The following LRRC2 variants were observed in gnomAD, a reference collection of about 807,000 sequenced individuals.
The protein encoded by LRRC2 is leucine-rich repeat-containing protein 2.
Under a neutral mutation model 40.2 loss-of-function variants are expected in LRRC2, and 27 were observed. The ratio of observed to expected loss-of-function variants is 0.67; its 90% CI spans 0.49 to 0.93. The LOEUF is 0.93. LRRC2 is among the 40% of genes least tolerant of loss of function. The probability of loss-of-function intolerance (pLI) is 0.00; values close to 1 mark genes in which losing one functional copy is unlikely to be tolerated. For missense variants in LRRC2, 402 were observed against 439.6 expected, an observed-to-expected ratio of 0.91 and a Z score of 0.76; for synonymous variants, 147 against 158.9, an observed-to-expected ratio of 0.92 and a Z score of 0.56.
At chr3:46,563,155 G>A (rs939640909) in intron 1 of LRRC2, among the ~76,000 whole-genome samples, 3 of 151,982 alleles carry the variant, frequency 2.0e-5, no homozygotes, top group Non-Finnish European at 4.4e-5. Context: ...ATCTTAGAGG[G>A]CATGCATTTC....
At chr3:46,551,236 C>A (rs6810363) in intron 2 of LRRC2, 201,666 of 355,556 alleles carry the variant, frequency 0.57, 59,488 homozygotes, top group East Asian at 0.9. Context: ...CGGTCTTCCT[C>A]GTGCCTACCA....
intron 2 of LRRC2, among the ~76,000 whole-genome samples, chr3:46,545,758 G>A (rs761606751): frequency 9.9e-5 from 15 of 152,122 alleles, no homozygotes; most frequent in Admixed American, 3.3e-4. Context: ...CCCACGTGTC[G>A]CTAATTTTCT....
At chr3:46,564,597 G>C (rs919307860) in intron 1 of LRRC2, among the ~76,000 whole-genome samples, 3 of 152,060 alleles carry the variant, frequency 2.0e-5, no homozygotes, top group Non-Finnish European at 2.9e-5. Flanking sequence ...CATCATGCAG[G>C]TGCCAAGCCA....
intron 4 of LRRC2, 151 bp from the exon 5 acceptor site, chr3:46,533,060 A>G: frequency 1.3e-6 from 1 of 751,466 alleles, no homozygotes; most frequent in Non-Finnish European, 2.1e-6. Context: ...GGTGTATCTA[A>G]TGAACATTAT....
intron 1 of LRRC2, among the ~76,000 whole-genome samples, chr3:46,553,650 G>A (rs1323476772): frequency 6.6e-6 from 1 of 152,110 alleles, no homozygotes; most frequent in Non-Finnish European, 1.5e-5. Context: ...ACCACACTTG[G>A]TGAATTTTTT....
intron 1 of LRRC2, among the ~76,000 whole-genome samples, chr3:46,565,035 T>C (rs1209570414): frequency 6.6e-6 from 1 of 152,182 alleles, no homozygotes; most frequent in Non-Finnish European, 1.5e-5. Flanking sequence ...CGGGGGTAAA[T>C]AGGAGCTAAA....
intron 3 of LRRC2, 58 bp downstream of exon 3, chr3:46,544,988 A>C: frequency 6.7e-7 from 1 of 1,491,122 alleles, no homozygotes; most frequent in Non-Finnish European, 9.3e-7. Flanking sequence ...CCTTGGGCTC[A>C]GGCGAGCAGC....
In LRRC2 at chr3:46,517,249, ATTTTCCTTCTTAGTCACAAAAGC is replaced by A. The variant is rs1703878142; in HGVS notation, c.*1742_*1764del. 1 of 142,110 alleles carries A rather than the reference ATTTTCCTTCTTAGTCACAAAAGC, an allele frequency of 7.0e-6. No homozygotes were observed. Among genetic ancestry groups the A allele is most frequent in the Non-Finnish European group, 1.6e-5 (1 of 64,310 alleles). The allele number at this position is 142,110 out of a possible 1,614,324, so 8.8% of individuals were successfully genotyped here. A position where few individuals can be genotyped will look rare whatever the true frequency, so the allele number is the denominator to read the frequency against. On this transcript the variant is annotated 3_prime_UTR_variant, in exon 9 of 9. Transcript: ENST00000395905. ...TATAAAAATATGCCACTATATGCAT[ATTTTCCTTCTTAGTCACAAAAGC>A]TGCTTGTTTTTGTTTTTTTTTTTTT...
At chr3:46,521,723 A>G in intron 7 of LRRC2, 65 bp from the exon 8 acceptor site, 1 of 1,492,424 alleles carries the variant, frequency 6.7e-7, no homozygotes, top group Non-Finnish European at 9.0e-7. Context: ...AAAATTCCTC[A>G]CATAAAATAA....
At chr3:46,523,700 C>CACCCATCCATCT (rs1173998796) in intron 7 of LRRC2, among the ~76,000 whole-genome samples, 21 of 152,098 alleles carry the variant, frequency 1.4e-4, no homozygotes, top group Non-Finnish European at 2.2e-4. Flanking sequence ...CCCATCCATC[C>CACCCATCCATCT]ACCCATCCAT....
At chr3:46,533,803 C>CTTTCTTTCTTTCTTTCTTTCTTTGTTTG (rs1324185043) in intron 4 of LRRC2, among the ~76,000 whole-genome samples, 30 of 122,152 alleles carry the variant, frequency 2.5e-4, no homozygotes, top group Admixed American at 1.4e-3. Flanking sequence ...TTCTTTGTTT[C>CTTTCTTTCTTTCTTTCTTTCTTTGTTTG]TTTCTTTCTT....
rs763126810 is a variant in LRRC2, at chr3:46,551,437, G to C, written c.125+30C>G. 1.3e-5 allele frequency: 21 copies of C among 1,603,672 alleles called. No homozygotes were observed. In the East Asian group the frequency reaches 4.2e-4, roughly 32 times the overall value. On this transcript the variant is annotated intron_variant, in intron 2 of 8. Transcript: ENST00000395905. ...GTCCAAATCCTTATTCACCAAACAA[G>C]CTACAAGACTAGGTTGAGAAAACAC...
In LRRC2 at chr3:46,530,055, A is replaced by T; in HGVS notation, c.628-5T>A. On this transcript the variant is annotated splice_region_variant and splice_polypyrimidine_tract_variant and intron_variant, in intron 5 of 8. Transcript: ENST00000395905. ...AACTTGCTTCAAATTACTTAACTAG[A>T]AATGAATAACAAAATGTTCTAATTA... 1.2e-6 allele frequency: 2 copies of T among 1,601,628 alleles called. No homozygotes were observed. Among genetic ancestry groups the T allele is most frequent in the Non-Finnish European group, 1.7e-6 (2 of 1,168,982 alleles).
rs970394876 is a variant in LRRC2, at chr3:46,558,028, G to C, written c.-19-6418C>G. ...TTCAGAGCACGTGGGCTGCACAAGGGCTCTGTGTTCTGGCTCAAGAGAGCT... is the reference window on the plus strand; with the variant it reads ...TTCAGAGCACGTGGGCTGCACAAGGCCTCTGTGTTCTGGCTCAAGAGAGCT... On this transcript the variant is annotated intron_variant, in intron 1 of 8. Transcript: ENST00000395905. 3 of 152,386 alleles carry C rather than the reference G, an allele frequency of 2.0e-5. No individual in the cohort carries two copies. In the East Asian group the frequency reaches 5.8e-4, roughly 29 times the overall value. 9.4% of individuals were successfully genotyped at this position (152,386 alleles called of 1,614,324 possible). A position where few individuals can be genotyped will look rare whatever the true frequency, so the allele number is the denominator to read the frequency against.
At chr3:46,566,085 C>T (rs906796868) in intron 1 of LRRC2, 92 bp downstream of exon 1, 3 of 152,338 alleles carry the variant, frequency 2.0e-5, no homozygotes, top group African/African-American at 7.2e-5. Context: ...CAACTGAGCG[C>T]CCGGGGCACC....
chr3:46,541,084 A>G (rs889276484), intron 3 of LRRC2, among the ~76,000 whole-genome samples: 2 of 152,272 alleles, frequency 1.3e-5, no homozygotes, highest in African/African-American at 4.8e-5. Context: ...CTGTAATCCC[A>G]GCACTTTGGG....
intron 1 of LRRC2, among the ~76,000 whole-genome samples, chr3:46,562,731 C>CTTTT (rs34694804): frequency 7.0e-6 from 1 of 141,912 alleles, no homozygotes; most frequent in Non-Finnish European, 1.5e-5. Context: ...GAAGTTACTT[C>CTTTT]TTTTTTTTTT....
At chr3:46,542,332 T>TA (rs11391659) in intron 3 of LRRC2, among the ~76,000 whole-genome samples, 99,147 of 150,774 alleles carry the variant, frequency 0.66, 33,348 homozygotes, top group Middle Eastern at 0.78. Context: ...ACTCCATCTT[T>TA]AAAAAAAAAT....
intron 1 of LRRC2, among the ~76,000 whole-genome samples, chr3:46,565,155 A>G (rs928849994): frequency 1.3e-5 from 2 of 152,342 alleles, no homozygotes; most frequent in South Asian, 2.1e-4. Context: ...TAATTTGTTT[A>G]GCTAGAAAAT....
Sources: gnomAD v4.1 joint callset for allele counts (sites outside exome capture counted in the v4.1 genomes callset) on GRCh38, gnomAD v4.1.1 for gene constraint, MANE v1.5 for transcripts, NCBI Gene and HGNC (gene_info 2026-07-23, HGNC 2026-07-21) for gene names.